RBM20: variants seen among roughly 807,000 people sequenced by gnomAD.
The protein encoded by RBM20 is RNA-binding protein 20.
In RBM20, 51 loss-of-function variants were observed where a neutral mutation model predicts 110.1. That is an observed-to-expected ratio of 0.46 (90% CI 0.37 to 0.59). The LOEUF (loss-of-function observed/expected upper bound fraction) is 0.59, where lower values mean the gene tolerates loss of function less well. RBM20 is among the 20% of genes least tolerant of loss of function. The pLI is 0.00. For missense variants in RBM20, 1,512 were observed against 1,574.9 expected, an observed-to-expected ratio of 0.96 and a Z score of 0.68; for synonymous variants, 589 against 618.2, an observed-to-expected ratio of 0.95 and a Z score of 0.70.
At chr10:110,763,245 G>A (rs774645794) in intron 1 of RBM20, among the ~76,000 whole-genome samples, 4 of 152,054 alleles carry the variant, frequency 2.6e-5, no homozygotes, top group East Asian at 3.9e-4. Context: ...GTCACACACC[G>A]GGTCTGAATT....
chr10:110,817,813 C>T (rs147837593), intron 9 of RBM20, among the ~76,000 whole-genome samples: 6 of 152,310 alleles, frequency 3.9e-5, no homozygotes, highest in East Asian at 3.9e-4. Flanking sequence ...CAAGGGCCTC[C>T]AGCAGCTCCA....
At chr10:110,797,398 A>T (rs1590685645) in intron 5 of RBM20, 110 bp from the exon 6 acceptor site, 25 of 1,095,268 alleles carry the variant, frequency 2.3e-5, no homozygotes, top group Non-Finnish European at 2.6e-5. Flanking sequence ...TTTGTAAATT[A>T]TAGTTTTACA....
At chr10:110,669,514 GGATTCAATT>G (rs1862229662) in intron 1 of RBM20, among the ~76,000 whole-genome samples, 1 of 152,130 alleles carries the variant, frequency 6.6e-6, no homozygotes, top group East Asian at 1.9e-4. Context: ...ACAAAACTTT[GGATTCAATT>G]ACAACACTTG....
At chr10:110,770,767 T>A (rs1844177345) in intron 1 of RBM20, among the ~76,000 whole-genome samples, 1 of 152,246 alleles carries the variant, frequency 6.6e-6, no homozygotes, top group African/African-American at 2.4e-5. Flanking sequence ...TGTAAACTGC[T>A]GAAAAGAAAA....
intron 1 of RBM20, among the ~76,000 whole-genome samples, chr10:110,745,756 A>C (rs12250234): frequency 0.03 from 4,587 of 152,250 alleles, 254 homozygotes; most frequent in African/African-American, 0.1. Flanking sequence ...ATGCGTGATA[A>C]CATGTGAGGA....
rs952094100 is a variant in RBM20, at chr10:110,739,505, A to C, written c.192-41296A>C. 3.3e-5 allele frequency among the ~76,000 whole-genome samples: 5 copies of C among 152,300 alleles called. No homozygotes were observed. In the South Asian group the frequency reaches 1.0e-3, roughly 32 times the overall value. On this transcript the variant is annotated intron_variant, in intron 1 of 13. Transcript: ENST00000369519. This position sits in a 1 kb window ranked among gnomAD's most constrained non-coding sequence, Gnocchi z 4.1. ...TTGACCCCTCAGAGAATTTTACATT[A>C]GGGAAAAGTGCTTGTGTGTAGGCAT...
chr10:110,710,127 T>C (rs1165667868), intron 1 of RBM20, among the ~76,000 whole-genome samples: 6 of 152,194 alleles, frequency 3.9e-5, no homozygotes, highest in Non-Finnish European at 8.8e-5. Context: ...TTTTTTATCA[T>C]GCTATTTGAT....
In RBM20 at chr10:110,734,579, CT is replaced by C. The variant is rs1302241639; in HGVS notation, c.192-46213del. 3.6e-5 allele frequency among the ~76,000 whole-genome samples: 5 copies of C among 138,794 alleles called. No homozygotes were observed. In the East Asian group the frequency reaches 8.5e-4, roughly 24 times the overall value. The allele number at this position is 138,794 out of a possible 152,430, so 91.1% of individuals were successfully genotyped here. On this transcript the variant is annotated intron_variant, in intron 1 of 13. Coordinates refer to ENST00000369519, the MANE Select transcript of RBM20 (RefSeq NM_001134363.3). ...TTTATTCTATAAGCCAAGATGCTGT[CT>C]TTTTTTTTCTATCATGGAACCAATA...
At chr10:110,672,896 C>T (rs1862283131) in intron 1 of RBM20, among the ~76,000 whole-genome samples, 1 of 152,160 alleles carries the variant, frequency 6.6e-6, no homozygotes, top group South Asian at 2.1e-4. Flanking sequence ...TCTATACATA[C>T]GTTAGATTTA....
Position 110,783,379 on chromosome 10 carries a change from A to C in RBM20, c.1289A>C (p.His430Pro). The change falls in exon 3 of 14, where the codon CAT becomes CCT. Residue 430 changes from histidine (H) to proline (P), a missense_variant. Around this residue, in one of 3 missense-constraint regions of RBM20, gnomAD observed 1,149 missense variants for 1,169.4 expected, o/e 0.98. Transcript: ENST00000369519. ...KVFDLKDWELHVKGKLHAQKC... is the reference protein window; with the variant it reads ...KVFDLKDWELPVKGKLHAQKC... ...CTTCTGACCTAGGACTGGGAGCTGC[A>C]TGTGAAAGGGAAGCTGCACGCTCAG... is the stretch of plus-strand genomic sequence containing the variant. 6 of 1,551,448 alleles carry C rather than the reference A, an allele frequency of 3.9e-6. No individual in the cohort carries two copies. The highest frequency in any genetic ancestry group is 5.2e-6 in the Non-Finnish European group (6 of 1,146,760).
chr10:110,677,441 C>T (rs1317033997), intron 1 of RBM20, among the ~76,000 whole-genome samples: 9 of 152,120 alleles, frequency 5.9e-5, no homozygotes, highest in South Asian at 2.1e-4. Context: ...GCCGCAGCCT[C>T]CCGAGTAGCT....
At chr10:110,799,963 T>G (rs1844601864) in intron 7 of RBM20, 45 bp downstream of exon 7, 2 of 1,538,714 alleles carry the variant, frequency 1.3e-6, no homozygotes, top group East Asian at 4.9e-5. Context: ...AAGCACCAGA[T>G]GAGTTTCTCC....
chr10:110,760,391 A>G (rs1461510940), intron 1 of RBM20, among the ~76,000 whole-genome samples: 1 of 143,664 alleles, frequency 7.0e-6, no homozygotes, highest in Non-Finnish European at 1.5e-5. Context: ...TATAAGCTAC[A>G]TGGGTCAATA....
chr10:110,660,501 C>T (rs1365958236), intron 1 of RBM20, among the ~76,000 whole-genome samples: 2 of 152,192 alleles, frequency 1.3e-5, no homozygotes, highest in Non-Finnish European at 2.9e-5. Context: ...GGCGAGCAAG[C>T]GAAGCTTCAT....
At chr10:110,799,273 C>T (rs58903028) in intron 6 of RBM20, among the ~76,000 whole-genome samples, 1 of 152,140 alleles carries the variant, frequency 6.6e-6, no homozygotes, top group Non-Finnish European at 1.5e-5. Context: ...GCTCTTCCAT[C>T]TCAGAGGTAT....
chr10:110,805,934 T>C (rs937563608), intron 7 of RBM20, among the ~76,000 whole-genome samples: 38 of 151,756 alleles, frequency 2.5e-4, no homozygotes, highest in African/African-American at 9.2e-4. Context: ...GGAAGGAGGG[T>C]GGTGAGTACA....
chr10:110,807,366 G>C (rs1844707524), intron 7 of RBM20, among the ~76,000 whole-genome samples: 1 of 152,190 alleles, frequency 6.6e-6, no homozygotes, highest in Non-Finnish European at 1.5e-5. Context: ...CCAAGGAGAG[G>C]CTCTTCTAAG....
chr10:110,802,612 A>G (rs879154185), intron 7 of RBM20, among the ~76,000 whole-genome samples: 1 of 152,202 alleles, frequency 6.6e-6, no homozygotes, highest in Non-Finnish European at 1.5e-5. Flanking sequence ...AAATTAAAGT[A>G]CCAAAGCATA....
chr10:110,821,468 CA>C lies in RBM20; in HGVS notation c.2851del (p.Thr951ProfsTer3). 1 of 1,551,862 alleles carries C rather than the reference CA, an allele frequency of 6.4e-7. No individual in the cohort carries two copies. Among genetic ancestry groups the C allele is most frequent in the Non-Finnish European group, 8.7e-7 (1 of 1,147,036 alleles). ...KICPETCLCV[T>X]TTLDLDLAQD... ...TGCCCAGAAACATGTCTGTGTGTGA[CA>C]ACCACCTTAGACTTAGACCTGGCCC... On this transcript the variant is annotated frameshift_variant, in exon 11 of 14. Coordinates refer to ENST00000369519, the MANE Select transcript of RBM20 (RefSeq NM_001134363.3). LOFTEE classifies it high-confidence loss of function.
Sources: allele counts gnomAD v4.1 joint callset (sites outside exome capture counted in the v4.1 genomes callset), GRCh38; gene constraint gnomAD v4.1.1; regional missense constraint gnomAD v4.1.1; non-coding constraint Gnocchi (gnomAD v3.1); transcripts MANE v1.5; gene names NCBI Gene and HGNC (gene_info 2026-07-23, HGNC 2026-07-21).